The following MRC1 variants were observed in gnomAD, a reference collection of about 807,000 sequenced individuals.
MRC1 encodes macrophage mannose receptor 1.
MRC1 carries 62 observed loss-of-function variants against 102.9 expected under a neutral mutation model. The ratio of observed to expected loss-of-function variants is 0.60; its 90% CI spans 0.49 to 0.74. MRC1 has a LOEUF of 0.74. Ranked by LOEUF, MRC1 falls within the 30% of genes least tolerant of loss-of-function variation. The probability of loss-of-function intolerance (pLI) is 0.00; values close to 1 mark genes in which losing one functional copy is unlikely to be tolerated. For synonymous variants in MRC1, 457 were observed against 298.4 expected, an observed-to-expected ratio of 1.53 and a Z score of -5.48; for missense variants, 1,237 against 862.8, an observed-to-expected ratio of 1.43 and a Z score of -5.43.
At position 17,877,463 on chromosome 10, in the gene MRC1, T is replaced by C. The variant is rs970883842; in HGVS notation, c.2551-437T>C. Reference sequence around the variant, plus strand: ...CCACAGGGTGACTATTTTTCATATATATATTTTGTATATATATTTGACATA... The same window carrying C: ...CCACAGGGTGACTATTTTTCATATACATATTTTGTATATATATTTGACATA... On this transcript the variant is annotated intron_variant, in intron 17 of 29. Transcript: ENST00000569591. Among the ~76,000 whole-genome samples the C allele has an allele frequency of 9.6e-4, 145 of 150,768 alleles. 1 individual carries two copies. The highest frequency in any genetic ancestry group is 3.4e-3 in the African/African-American group (139 of 41,306).
At chr10:17,887,530 G>C (rs1833616226) in intron 22 of MRC1, among the ~76,000 whole-genome samples, 1 of 152,226 alleles carries the variant, frequency 6.6e-6, no homozygotes, top group African/African-American at 2.4e-5. Context: ...AGAATGGAGC[G>C]AGATAGCATT....
intron 2 of MRC1, among the ~76,000 whole-genome samples, chr10:17,824,576 T>G (rs1251288591): frequency 1.3e-5 from 2 of 152,108 alleles, no homozygotes; most frequent in Non-Finnish European, 2.9e-5. Flanking sequence ...AAATAAGTTA[T>G]TTTGAAGCAT....
chr10:17,904,395 T>A (rs952338517), intron 26 of MRC1, among the ~76,000 whole-genome samples: 1 of 152,220 alleles, frequency 6.6e-6, no homozygotes, highest in Non-Finnish European at 1.5e-5. Flanking sequence ...AAATAGAAAA[T>A]TCCTGCTTGA....
chr10:17,839,723 T>A (rs1234654916), intron 4 of MRC1, among the ~76,000 whole-genome samples: 3 of 152,004 alleles, frequency 2.0e-5, no homozygotes, highest in Non-Finnish European at 2.9e-5. Flanking sequence ...TTTGATCAAT[T>A]AAAATAACTC....
intron 1 of MRC1, among the ~76,000 whole-genome samples, chr10:17,822,647 T>C (rs1329608853): frequency 6.6e-6 from 1 of 152,140 alleles, no homozygotes; most frequent in Non-Finnish European, 1.5e-5. Context: ...AACACACACC[T>C]TTTCTAGGAC....
At chr10:17,826,878 C>T (rs1329062749) in intron 2 of MRC1, among the ~76,000 whole-genome samples, 1 of 152,178 alleles carries the variant, frequency 6.6e-6, no homozygotes, top group African/African-American at 2.4e-5. Context: ...GATTAGAGAA[C>T]AATGCCAAAA....
chr10:17,891,008 T>C (rs1420916960), intron 22 of MRC1, among the ~76,000 whole-genome samples: 1 of 151,752 alleles, frequency 6.6e-6, no homozygotes, highest in African/African-American at 2.4e-5. Context: ...ACGCTCCTTA[T>C]GAGAATTTAA....
intron 21 of MRC1, among the ~76,000 whole-genome samples, chr10:17,883,813 G>C (rs1833552088): frequency 1.3e-5 from 2 of 152,150 alleles, no homozygotes; most frequent in South Asian, 4.1e-4. Context: ...CAGCTGCCAT[G>C]GGAGGCCTGG....
chr10:17,817,490 G>C (rs1838330994), intron 1 of MRC1, among the ~76,000 whole-genome samples: 2 of 152,160 alleles, frequency 1.3e-5, no homozygotes, highest in African/African-American at 4.8e-5. Flanking sequence ...CAACATGGCA[G>C]GAAACTTATG....
chr10:17,815,834 T>C (rs1418538222), intron 1 of MRC1, among the ~76,000 whole-genome samples: 6 of 25,484 alleles, frequency 2.4e-4, no homozygotes, highest in Non-Finnish European at 4.5e-4. Flanking sequence ...TTTTCTTTTC[T>C]TTTTTTTTTT....
intron 23 of MRC1, among the ~76,000 whole-genome samples, chr10:17,894,836 T>C (rs1324557367): frequency 6.6e-6 from 1 of 152,146 alleles, no homozygotes; most frequent in African/African-American, 2.4e-5. Context: ...ATGCATTAGC[T>C]CTTTGTCCTG....
chr10:17,865,682 G>A (rs1589184508), intron 11 of MRC1, among the ~76,000 whole-genome samples: 2 of 152,200 alleles, frequency 1.3e-5, no homozygotes, highest in South Asian at 2.1e-4. Flanking sequence ...ATGGGATGCC[G>A]CAGCCTCTGT....
chr10:17,818,538 G>A (rs1554838057), intron 1 of MRC1, among the ~76,000 whole-genome samples: 1 of 152,234 alleles, frequency 6.6e-6, no homozygotes, highest in Admixed American at 6.5e-5. Context: ...GCTGGGCGCA[G>A]TGGCTCACAC....
Position 17,866,549 on chromosome 10 carries a change from A to G in MRC1, c.1784-13A>G. ...ACCTGTCAAGTGAATTCTACTTCAT[A>G]TATTTAATGCAGGGCGAAAGCCAGG... is the stretch of plus-strand genomic sequence containing the variant. On this transcript the variant is annotated splice_polypyrimidine_tract_variant and intron_variant, in intron 11 of 29. Transcript: ENST00000569591. 4 of 780,852 alleles carry G rather than the reference A, an allele frequency of 5.1e-6. No individual in the cohort carries two copies. The Admixed American group carries it at 6.8e-5, about 13-fold the overall frequency. 48.4% of individuals were successfully genotyped at this position (780,852 alleles called of 1,614,324 possible). A position where few individuals can be genotyped will look rare whatever the true frequency, so the allele number is the denominator to read the frequency against.
chr10:17,869,529 T>C (rs1456636154), intron 12 of MRC1, among the ~76,000 whole-genome samples: 8 of 152,174 alleles, frequency 5.3e-5, no homozygotes, highest in Admixed American at 2.0e-4. Context: ...TCCTTTCTAT[T>C]TGCATACTGG....
At chr10:17,878,566 G>A (rs1187357094) in intron 18 of MRC1, among the ~76,000 whole-genome samples, 1 of 152,140 alleles carries the variant, frequency 6.6e-6, no homozygotes, top group Admixed American at 6.5e-5. Flanking sequence ...GGGCAGATAC[G>A]TCCTCCTGGC....
chr10:17,894,869 G>T (rs893298848), intron 23 of MRC1, among the ~76,000 whole-genome samples: 2 of 152,060 alleles, frequency 1.3e-5, no homozygotes, highest in African/African-American at 4.8e-5. Context: ...GTTTTTAAAT[G>T]TACTTTAAAA....
At chr10:17,873,853 T>C in intron 16 of MRC1, 28 bp downstream of exon 16, 1 of 872,022 alleles carries the variant, frequency 1.1e-6, no homozygotes. Context: ...TTCTGATCTC[T>C]GTACTGATAA....
intron 26 of MRC1, among the ~76,000 whole-genome samples, chr10:17,902,838 T>A (rs1833846449): frequency 1.3e-5 from 2 of 152,312 alleles, no homozygotes; most frequent in South Asian, 4.1e-4. Flanking sequence ...CCGATGAGGT[T>A]TATCCGAGGC....
Sources: gnomAD v4.1 joint callset for allele counts (sites outside exome capture counted in the v4.1 genomes callset) on GRCh38, gnomAD v4.1.1 for gene constraint, MANE v1.5 for transcripts, NCBI Gene and HGNC (gene_info 2026-07-23, HGNC 2026-07-21) for gene names.